Variants in RAB6B observed in about 807,000 individuals in gnomAD.
The protein encoded by RAB6B is RAB6B, member RAS oncogene family, also known as ras-related protein Rab-6B.
RAB6B carries 7 observed loss-of-function variants against 31.2 expected under a neutral mutation model. The observed-to-expected ratio is 0.22, with a 90% CI of 0.13 to 0.42. The LOEUF (loss-of-function observed/expected upper bound fraction) is 0.42, where lower values mean the gene tolerates loss of function less well. RAB6B is among the 10% of genes least tolerant of loss of function. The pLI is 1.00. For synonymous variants in RAB6B, 105 were observed against 104.9 expected (o/e 1.00, Z -0.01); for missense variants, 149 against 280.6 (o/e 0.53, Z 3.35).
intron 2 of RAB6B, among the ~76,000 whole-genome samples, chr3:133,862,800 G>A (rs1479870045): frequency 6.6e-6 from 1 of 152,130 alleles, no homozygotes; most frequent in East Asian, 1.9e-4. Flanking sequence ...GCACAGGCCT[G>A]GGGGCCCCCT....
At chr3:133,870,028 C>T (rs1936293659) in intron 1 of RAB6B, among the ~76,000 whole-genome samples, 1 of 152,258 alleles carries the variant, frequency 6.6e-6, no homozygotes, top group Middle Eastern at 3.4e-3. Context: ...TAGACCTGTG[C>T]TTTAGAAAAA....
intron 2 of RAB6B, among the ~76,000 whole-genome samples, chr3:133,842,284 C>T (rs914765462): frequency 5.3e-5 from 8 of 152,244 alleles, no homozygotes; most frequent in Non-Finnish European, 8.8e-5. Context: ...TGTGCCACAC[C>T]TATGCCTCTT....
chr3:133,827,508 G>C lies in RAB6B; in HGVS notation c.*1280C>G. 5.0e-6 allele frequency: 1 copy of C among 201,266 alleles called. No homozygotes were observed. The highest frequency in any genetic ancestry group is 1.0e-5 in the Non-Finnish European group (1 of 99,374). The allele number at this position is 201,266 out of a possible 1,614,324, so 12.5% of individuals were successfully genotyped here. Reference sequence around the variant, plus strand: ...CATTCTCAGGAATGAATCAAAAATGGAAGAGATGGCTCTCTGGGGGCAAGC... The same window carrying C: ...CATTCTCAGGAATGAATCAAAAATGCAAGAGATGGCTCTCTGGGGGCAAGC... On this transcript the variant is annotated 3_prime_UTR_variant, in exon 8 of 8. Coordinates refer to ENST00000285208, the MANE Select transcript of RAB6B (RefSeq NM_016577.4).
chr3:133,854,716 A>T (rs575599921), intron 2 of RAB6B, among the ~76,000 whole-genome samples: 2 of 152,330 alleles, frequency 1.3e-5, no homozygotes, highest in South Asian at 4.1e-4. Context: ...GGTATTAAAC[A>T]GTATCTACAG....
chr3:133,855,919 C>T (rs1412248949), intron 2 of RAB6B, among the ~76,000 whole-genome samples: 2 of 152,162 alleles, frequency 1.3e-5, no homozygotes, highest in African/African-American at 2.4e-5. Flanking sequence ...TGACTCAATT[C>T]TGGCCAATAA....
At chr3:133,869,383 G>A (rs999289638) in intron 1 of RAB6B, among the ~76,000 whole-genome samples, 1 of 152,198 alleles carries the variant, frequency 6.6e-6, no homozygotes, top group African/African-American at 2.4e-5. Context: ...TGTGGAGGGA[G>A]GGAGGGGCAG....
chr3:133,861,272 GT>G (rs1454280815), intron 2 of RAB6B, among the ~76,000 whole-genome samples: 2 of 152,222 alleles, frequency 1.3e-5, no homozygotes, highest in African/African-American at 4.8e-5. Flanking sequence ...TGTGACTCTT[GT>G]TTTTTTACTT....
At chr3:133,832,698 C>T in intron 7 of RAB6B, among the ~76,000 whole-genome samples, 1 of 152,178 alleles carries the variant, frequency 6.6e-6, no homozygotes, top group East Asian at 1.9e-4. Flanking sequence ...CGTGAGAGGC[C>T]CAGCAAGCTG....
chr3:133,889,899 T>C (rs1250704519), intron 1 of RAB6B, among the ~76,000 whole-genome samples: 2 of 152,224 alleles, frequency 1.3e-5, no homozygotes, highest in Non-Finnish European at 2.9e-5. Flanking sequence ...TCTCTTGCTA[T>C]GCATCATCAG....
At position 133,828,208 on chromosome 3, in the gene RAB6B, G is replaced by C; in HGVS notation, c.*580C>G. Reference sequence around the variant, plus strand: ...TCTGGCCATGGAAAGACAAGAGTCAGAGCTACCTTTTCAGAGGCTGATGTG... The same window carrying C: ...TCTGGCCATGGAAAGACAAGAGTCACAGCTACCTTTTCAGAGGCTGATGTG... On this transcript the variant is annotated 3_prime_UTR_variant, in exon 8 of 8. Transcript: ENST00000285208. 2 of 568,950 alleles carry C rather than the reference G, an allele frequency of 3.5e-6. No individual in the cohort carries two copies. Among genetic ancestry groups the C allele is most frequent in the Non-Finnish European group, 6.3e-6 (2 of 319,588 alleles). The allele number at this position is 568,950 out of a possible 1,614,324, so 35.2% of individuals were successfully genotyped here.
At chr3:133,882,046 A>G (rs924582390) in intron 1 of RAB6B, among the ~76,000 whole-genome samples, 1 of 152,142 alleles carries the variant, frequency 6.6e-6, no homozygotes, top group Non-Finnish European at 1.5e-5. Context: ...GCTGGGCTAC[A>G]TTTCTTTCTG....
chr3:133,869,487 G>C (rs747646962), intron 1 of RAB6B, among the ~76,000 whole-genome samples: 5 of 152,254 alleles, frequency 3.3e-5, no homozygotes, highest in African/African-American at 4.8e-5. Flanking sequence ...AGGGCAGTGG[G>C]AGCTTCAGAA....
chr3:133,859,747 C>G (rs770227268), intron 2 of RAB6B, among the ~76,000 whole-genome samples: 37 of 152,196 alleles, frequency 2.4e-4, no homozygotes, highest in Non-Finnish European at 4.4e-4. Context: ...CTGGGATGTG[C>G]TGTGTGTGGA....
intron 1 of RAB6B, among the ~76,000 whole-genome samples, chr3:133,867,107 C>T (rs1307873213): frequency 1.3e-5 from 2 of 152,226 alleles, no homozygotes; most frequent in Admixed American, 1.3e-4. Flanking sequence ...AGGTGCCTCT[C>T]CATGAGACAC....
At chr3:133,858,077 GT>G (rs1936107503) in intron 2 of RAB6B, among the ~76,000 whole-genome samples, 1 of 152,042 alleles carries the variant, frequency 6.6e-6, no homozygotes, top group African/African-American at 2.4e-5. Context: ...TCCCATCAGT[GT>G]CTGGGTCAGG....
chr3:133,886,372 A>C (rs1936547482), intron 1 of RAB6B, among the ~76,000 whole-genome samples: 1 of 152,210 alleles, frequency 6.6e-6, no homozygotes, highest in Admixed American at 6.5e-5. Flanking sequence ...CCGACCTCAC[A>C]CATCTGAAGG....
chr3:133,891,982 C>CGCAT (rs1397025128), intron 1 of RAB6B, among the ~76,000 whole-genome samples: 1 of 152,174 alleles, frequency 6.6e-6, no homozygotes, highest in Non-Finnish European at 1.5e-5. Context: ...GCACAGCAGA[C>CGCAT]GCATCCCTGA....
chr3:133,856,583 G>A (rs1049660805), intron 2 of RAB6B, among the ~76,000 whole-genome samples: 9 of 152,180 alleles, frequency 5.9e-5, no homozygotes, highest in Admixed American at 1.3e-4. Flanking sequence ...CTAATCAAGC[G>A]AGGGAGTAGG....
intron 1 of RAB6B, among the ~76,000 whole-genome samples, chr3:133,888,029 T>C (rs1204701930): frequency 6.6e-6 from 1 of 152,164 alleles, no homozygotes; most frequent in Non-Finnish European, 1.5e-5. Flanking sequence ...GGTTCCTCTT[T>C]AGCAAAGAGC....
Sources: gnomAD v4.1 joint callset for allele counts (sites outside exome capture counted in the v4.1 genomes callset) on GRCh38, gnomAD v4.1.1 for gene constraint, MANE v1.5 for transcripts, NCBI Gene and HGNC (gene_info 2026-07-23, HGNC 2026-07-21) for gene names.